The following ATAD5 variants were observed in gnomAD, a reference collection of about 807,000 sequenced individuals.
ATAD5 encodes ATPase family AAA domain-containing protein 5.
Under a neutral mutation model 176.9 loss-of-function variants are expected in ATAD5, and 58 were observed. The ratio of observed to expected loss-of-function variants is 0.33; its 90% CI spans 0.27 to 0.41. The LOEUF is 0.41. Among genes scored for constraint, ATAD5 ranks in the 10% least tolerant of loss-of-function variants. ATAD5 has a pLI of 1.00. For missense variants in ATAD5, 1,789 were observed against 2,094.1 expected (o/e 0.85, Z 2.84); for synonymous variants, 640 against 712.6 (o/e 0.90, Z 1.62).
At chr17:30,859,500 C>T (rs889280706) in intron 9 of ATAD5, among the ~76,000 whole-genome samples, 1 of 152,134 alleles carries the variant, frequency 6.6e-6, no homozygotes, top group Non-Finnish European at 1.5e-5. Context: ...GCTGAGATTG[C>T]AGGCACCTGC....
At chr17:30,840,491 C>T (rs1464642946) in intron 3 of ATAD5, 126 bp from the exon 4 acceptor site, 1 of 675,602 alleles carries the variant, frequency 1.5e-6, no homozygotes, top group Non-Finnish European at 2.2e-6. Context: ...TTTAAGGCCC[C>T]TGGTAAGATT....
chr17:30,863,133 T>G (rs1450069356), intron 10 of ATAD5: 1 of 152,218 alleles, frequency 6.6e-6, no homozygotes, highest in African/African-American at 2.4e-5. Flanking sequence ...AAGGCTGCAG[T>G]GAGCCATGAT....
intron 17 of ATAD5, among the ~76,000 whole-genome samples, chr17:30,878,696 TA>T (rs1243940631): frequency 1.3e-5 from 2 of 149,074 alleles, no homozygotes; most frequent in African/African-American, 4.9e-5. Flanking sequence ...AGAAAAATCT[TA>T]TTAATCAGAA....
intron 14 of ATAD5, among the ~76,000 whole-genome samples, chr17:30,872,738 A>G (rs1908413650): frequency 6.6e-6 from 1 of 151,636 alleles, no homozygotes; most frequent in Admixed American, 6.6e-5. Context: ...TTGTATTTTT[A>G]GTAGAGACAG....
At position 30,892,628 on chromosome 17, in the gene ATAD5, A is replaced by G. The variant is rs1056405736; in HGVS notation, c.4280A>G (p.Gln1427Arg). The G allele has an allele frequency of 5.1e-6, 8 of 1,566,436 alleles. No individual in the cohort carries two copies. The highest frequency in any genetic ancestry group is 4.1e-5 in the Admixed American group (2 of 48,978). ...GTAGGTGGAAATAGCAGAAATGTAC[A>G]ACTAGTTTGCTCTGAACATGGCCTT... is the stretch of plus-strand genomic sequence containing the variant. Reference protein sequence around the residue: ...TLYRGNSRNVQLVCSEHGLDN... With the variant: ...TLYRGNSRNVRLVCSEHGLDN... The change falls in exon 20 of 23, where the codon CAA becomes CGA. Residue 1427 changes from glutamine (Q) to arginine (R), a missense_variant. This residue lies in a region of ATAD5 where 403 missense variants were observed against 495.1 expected (regional missense o/e 0.81). Coordinates refer to ENST00000321990, the MANE Select transcript of ATAD5 (RefSeq NM_024857.5).
chr17:30,847,327 TAG>T (rs891308590), intron 6 of ATAD5, among the ~76,000 whole-genome samples: 98 of 149,914 alleles, frequency 6.5e-4, no homozygotes, highest in Non-Finnish European at 8.8e-4. Context: ...TATATATATA[TAG>T]AGAGAGAGAG....
At chr17:30,887,981 A>G (rs1163412595) in intron 19 of ATAD5, among the ~76,000 whole-genome samples, 3 of 151,472 alleles carry the variant, frequency 2.0e-5, no homozygotes, top group Non-Finnish European at 4.4e-5. Context: ...ACAGGCCCCC[A>G]CCATCACGCC....
chr17:30,870,669 A>G (rs562520152), intron 14 of ATAD5, among the ~76,000 whole-genome samples: 7 of 152,174 alleles, frequency 4.6e-5, no homozygotes, highest in Non-Finnish European at 8.8e-5. Flanking sequence ...TCATTCCTTT[A>G]TTTATTAGTA....
At chr17:30,884,939 G>A (rs976499082) in intron 18 of ATAD5, among the ~76,000 whole-genome samples, 1 of 151,772 alleles carries the variant, frequency 6.6e-6, no homozygotes, top group Non-Finnish European at 1.5e-5. Context: ...AGTAGAGACG[G>A]GGTTTCACTG....
intron 10 of ATAD5, among the ~76,000 whole-genome samples, chr17:30,863,392 A>T (rs148608561): frequency 0.059 from 8,524 of 145,354 alleles, 674 homozygotes; most frequent in African/African-American, 0.18. Flanking sequence ...TTTGAGACAG[A>T]GTCTCACTCT....
intron 19 of ATAD5, among the ~76,000 whole-genome samples, chr17:30,888,202 T>G (rs1251380237): frequency 1.3e-5 from 2 of 152,200 alleles, no homozygotes. Flanking sequence ...TATAAAAATT[T>G]TAAGCAACTT....
At chr17:30,858,751 C>T (rs2142368184) in intron 9 of ATAD5, among the ~76,000 whole-genome samples, 1 of 151,546 alleles carries the variant, frequency 6.6e-6, no homozygotes, top group South Asian at 2.1e-4. Flanking sequence ...TGCAACTTTG[C>T]CTCACTGCAA....
chr17:30,878,685 G>T (rs1163193691), intron 17 of ATAD5, among the ~76,000 whole-genome samples: 1 of 133,674 alleles, frequency 7.5e-6, no homozygotes, highest in Admixed American at 7.7e-5. Flanking sequence ...TTAAAATATT[G>T]AGAAAAATCT....
Position 30,839,726 on chromosome 17 carries a change from C to T in ATAD5, c.2077-891C>T, listed in dbSNP as rs1055954129. Among the ~76,000 whole-genome samples, 17 of 151,550 alleles carry T rather than the reference C, an allele frequency of 1.1e-4. No homozygotes were observed. In the East Asian group the frequency reaches 1.4e-3, roughly 12 times the overall value. ...CGCCCCAAGTCGTTGGGATTACAGACGCCCGCCACCAAGCCCAGCTAATTT... is the reference window on the plus strand; with the variant it reads ...CGCCCCAAGTCGTTGGGATTACAGATGCCCGCCACCAAGCCCAGCTAATTT... On this transcript the variant is annotated intron_variant, in intron 3 of 22. Transcript: ENST00000321990.
Position 30,835,997 on chromosome 17 carries a change from T to A in ATAD5, c.1916T>A (p.Leu639Ter). The change falls in exon 2 of 23, where the codon TTA becomes TAA. Residue 639 changes from leucine to a stop codon, truncating the protein, a stop_gained. Transcript: ENST00000321990. LOFTEE classifies it high-confidence loss of function. ...KAANLSEKHS[L>*]YTAELITVPF... ...GCCAACTTATCGGAAAAGCACAGCT[T>A]ATATACAGCAGAATTAATAACAGTA... 1 of 1,612,718 alleles carries A rather than the reference T, an allele frequency of 6.2e-7. No individual in the cohort carries two copies. Among genetic ancestry groups the A allele is most frequent in the Non-Finnish European group, 8.5e-7 (1 of 1,179,672 alleles).
At chr17:30,877,947 A>C in intron 16 of ATAD5, 56 bp from the exon 17 acceptor site, 1 of 1,216,686 alleles carries the variant, frequency 8.2e-7, no homozygotes, top group Non-Finnish European at 1.2e-6. Flanking sequence ...TTTACTATGT[A>C]TACATAACTG....
chr17:30,861,563 C>T (rs538468569), intron 10 of ATAD5, among the ~76,000 whole-genome samples: 9 of 151,950 alleles, frequency 5.9e-5, no homozygotes, highest in East Asian at 3.9e-4. Context: ...CATCTCTCTC[C>T]GTCGCTTGCC....
chr17:30,846,396 G>GTTTTTTTTT (rs11324585), intron 6 of ATAD5, among the ~76,000 whole-genome samples: 1 of 143,272 alleles, frequency 7.0e-6, no homozygotes, highest in Non-Finnish European at 1.5e-5. Flanking sequence ...AGAGTTTGAG[G>GTTTTTTTTT]TTTTTTTTTT....
intron 15 of ATAD5, 72 bp from the exon 16 acceptor site, chr17:30,877,344 T>C: frequency 9.4e-7 from 1 of 1,064,312 alleles, no homozygotes; most frequent in Non-Finnish European, 1.4e-6. Context: ...AGTTTGAGCT[T>C]ATTCTGTGGA....
Sources: allele counts gnomAD v4.1 joint callset (sites outside exome capture counted in the v4.1 genomes callset), GRCh38; gene constraint gnomAD v4.1.1; regional missense constraint gnomAD v4.1.1; transcripts MANE v1.5; gene names NCBI Gene and HGNC (gene_info 2026-07-23, HGNC 2026-07-21).